PUS7: variants seen among roughly 807,000 people sequenced by gnomAD.
PUS7 encodes pseudouridine synthase 7.
A neutral mutation model predicts 79.8 loss-of-function variants in PUS7; 48 were observed. That is an observed-to-expected ratio of 0.60 (90% confidence interval 0.48 to 0.76). The LOEUF (loss-of-function observed/expected upper bound fraction) is 0.76, where lower values mean the gene tolerates loss of function less well. Among genes scored for constraint, PUS7 ranks in the 30% least tolerant of loss-of-function variants. PUS7 has a pLI of 0.00. For synonymous variants in PUS7, 286 were observed against 272.2 expected, an observed-to-expected ratio of 1.05 and a Z score of -0.50; for missense variants, 729 against 797.6, an observed-to-expected ratio of 0.91 and a Z score of 1.04.
At chr7:105,486,950 C>T (rs1005100273) in intron 7 of PUS7, among the ~76,000 whole-genome samples, 1 of 151,934 alleles carries the variant, frequency 6.6e-6, no homozygotes, top group Non-Finnish European at 1.5e-5. Flanking sequence ...ATCCCAGCTA[C>T]TCGGGAGGCT....
chr7:105,476,581 C>T (rs894348216), intron 9 of PUS7, among the ~76,000 whole-genome samples: 16 of 152,130 alleles, frequency 1.1e-4, no homozygotes, highest in African/African-American at 3.9e-4. Context: ...TGGTCTCGAT[C>T]TCTTGACCTC....
intron 12 of PUS7, among the ~76,000 whole-genome samples, chr7:105,467,833 G>A (rs865907698): frequency 6.6e-6 from 1 of 151,860 alleles, no homozygotes; most frequent in Non-Finnish European, 1.5e-5. Context: ...GTTCGAGATC[G>A]AGGTGCTTAC....
At chr7:105,498,627 C>T (rs531925495) in intron 5 of PUS7, among the ~76,000 whole-genome samples, 168 of 152,230 alleles carry the variant, frequency 1.1e-3, no homozygotes, top group South Asian at 3.7e-3. Context: ...GGGTAGCATG[C>T]GGAACATTCC....
chr7:105,497,571 T>G, intron 5 of PUS7, among the ~76,000 whole-genome samples: 1 of 152,206 alleles, frequency 6.6e-6, no homozygotes, highest in Non-Finnish European at 1.5e-5. Flanking sequence ...TTTTTATCAT[T>G]CTTTGAACAA....
intron 11 of PUS7, among the ~76,000 whole-genome samples, chr7:105,469,201 A>G (rs1235878994): frequency 6.6e-6 from 1 of 151,874 alleles, no homozygotes; most frequent in Non-Finnish European, 1.5e-5. Flanking sequence ...CACTGCACCC[A>G]GCCAAAACTT....
At chr7:105,464,480 TG>T (rs1823558016) in intron 13 of PUS7, among the ~76,000 whole-genome samples, 1 of 152,166 alleles carries the variant, frequency 6.6e-6, no homozygotes, top group Non-Finnish European at 1.5e-5. Context: ...TCCAGTCGGC[TG>T]GGGGCCTGGA....
chr7:105,511,375 T>C (rs1307381095), intron 1 of PUS7, among the ~76,000 whole-genome samples: 2 of 151,730 alleles, frequency 1.3e-5, no homozygotes, highest in African/African-American at 4.8e-5. Flanking sequence ...ATAACATCTT[T>C]TGCCACCTAT....
chr7:105,482,521 G>T (rs1824366800), intron 7 of PUS7, 81 bp from the exon 8 acceptor site: 2 of 1,426,412 alleles, frequency 1.4e-6, no homozygotes, highest in South Asian at 1.3e-5. Flanking sequence ...GCTTGGAACA[G>T]TACAGAAAAC....
chr7:105,501,013 C>T (rs1825224060), intron 5 of PUS7, among the ~76,000 whole-genome samples: 1 of 152,220 alleles, frequency 6.6e-6, no homozygotes, highest in South Asian at 2.1e-4. Context: ...TGATCTCCAC[C>T]TCTTCCTCTG....
At chr7:105,475,238 T>TG in intron 9 of PUS7, among the ~76,000 whole-genome samples, 1 of 152,204 alleles carries the variant, frequency 6.6e-6, no homozygotes, top group South Asian at 2.1e-4. Context: ...CAGGCTAGAG[T>TG]GCAGTGGCAC....
chr7:105,457,692 T>C lies in PUS7; in HGVS notation c.*98A>G. 7 of 1,138,632 alleles carry C rather than the reference T, an allele frequency of 6.1e-6. No homozygotes were observed. The highest frequency in any genetic ancestry group is 8.4e-6 in the Non-Finnish European group (7 of 830,880). The allele number at this position is 1,138,632 out of a possible 1,614,324, so 70.5% of individuals were successfully genotyped here. On this transcript the variant is annotated 3_prime_UTR_variant, in exon 16 of 16. Transcript: ENST00000469408. The stretch of plus-strand genomic sequence containing the variant: ...TACAAATAATTTTTATTACAAAGAT[T>C]TGAAATCCATATATGAGTCTGAACT...
intron 1 of PUS7, among the ~76,000 whole-genome samples, chr7:105,517,094 A>G (rs1417401841): frequency 6.6e-6 from 1 of 152,128 alleles, no homozygotes; most frequent in East Asian, 1.9e-4. Flanking sequence ...ATAGACCAGA[A>G]GCCTGATGTT....
intron 12 of PUS7, among the ~76,000 whole-genome samples, chr7:105,465,896 G>A (rs539958619): frequency 4.6e-5 from 7 of 152,162 alleles, no homozygotes; most frequent in South Asian, 2.1e-4. Context: ...AGTGGCTCAC[G>A]CCTGTAATCC....
rs1825559451 is a variant in PUS7 at position 105,508,415 on chromosome 7, T to C, written c.98A>G (p.Gln33Arg). ...SGVPVEETKK[Q>R]KLSECSLTKG... is the part of the protein sequence containing the mutation. ...GGTTAGACTGCATTCCGACAGCTTC[T>C]GTTTTTTTGTCTCTTCAACTGGGAC... Residue 33 changes from glutamine to arginine, a missense_variant, in exon 2 of 16, where the codon CAG becomes CGG. Physicochemically the swap from Gln to Arg is conservative, Grantham distance 43. Coordinates refer to ENST00000469408, the MANE Select transcript of PUS7 (RefSeq NM_019042.5). The C allele has an allele frequency of 1.9e-6, 3 of 1,614,198 alleles. No homozygotes were observed. Among genetic ancestry groups the C allele is most frequent in the Middle Eastern group, 1.6e-4 (1 of 6,062 alleles).
At chr7:105,480,783 A>AC (rs1824289108) in intron 9 of PUS7, among the ~76,000 whole-genome samples, 1 of 152,090 alleles carries the variant, frequency 6.6e-6, no homozygotes, top group Non-Finnish European at 1.5e-5. Flanking sequence ...TCTCAGAAAA[A>AC]ATAAATATAT....
At chr7:105,489,505 C>T (rs78997940) in intron 7 of PUS7, among the ~76,000 whole-genome samples, 1,988 of 152,176 alleles carry the variant, frequency 0.013, 37 homozygotes, top group East Asian at 0.044. Flanking sequence ...TATGCCACAG[C>T]GAGAAAATGA....
At chr7:105,478,953 T>G (rs1206746825) in intron 9 of PUS7, among the ~76,000 whole-genome samples, 4 of 152,158 alleles carry the variant, frequency 2.6e-5, no homozygotes, top group Non-Finnish European at 4.4e-5. Context: ...CGTATAGGAT[T>G]CCATGGCTGT....
chr7:105,508,873 A>T (rs1825585881), intron 1 of PUS7, among the ~76,000 whole-genome samples: 1 of 10,786 alleles, frequency 9.3e-5, no homozygotes, highest in Non-Finnish European at 3.2e-4. Context: ...CATTGTCTTA[A>T]AAAAAAAAAA....
chr7:105,459,674 G>A (rs1823333440), intron 14 of PUS7, among the ~76,000 whole-genome samples: 2 of 151,760 alleles, frequency 1.3e-5, no homozygotes, highest in Admixed American at 1.3e-4. Context: ...CTGACCTCAG[G>A]TGATCCACCC....
Sources: allele counts gnomAD v4.1 joint callset (sites outside exome capture counted in the v4.1 genomes callset), GRCh38; gene constraint gnomAD v4.1.1; transcripts MANE v1.5; gene names NCBI Gene and HGNC (gene_info 2026-07-23, HGNC 2026-07-21).